The following PPARG variants were observed in gnomAD, a reference collection of about 807,000 sequenced individuals.
The protein encoded by PPARG is peroxisome proliferator activated receptor gamma.
In PPARG, 17 loss-of-function variants were observed where a neutral mutation model predicts 39.2. That is an observed-to-expected ratio of 0.43 (90% confidence interval 0.30 to 0.65). The LOEUF (loss-of-function observed/expected upper bound fraction) is 0.65, where lower values mean the gene tolerates loss of function less well. Ranked by LOEUF, PPARG falls within the 30% of genes least tolerant of loss-of-function variation. PPARG has a pLI of 0.13. For missense variants in PPARG, 406 were observed against 585.9 expected (o/e 0.69, Z 3.17); for synonymous variants, 223 against 215.7 (o/e 1.03, Z -0.30).
chr3:12,407,304 G>T (rs2050706929), intron 6 of PPARG, among the ~76,000 whole-genome samples: 1 of 152,132 alleles, frequency 6.6e-6, no homozygotes, highest in African/African-American at 2.4e-5. Flanking sequence ...GGGATTGCAG[G>T]CGCATGCCAC....
At chr3:12,392,895 C>A in intron 5 of PPARG, 143 bp downstream of exon 5, 1 of 1,086,958 alleles carries the variant, frequency 9.2e-7, no homozygotes, top group Non-Finnish European at 1.4e-6. Context: ...TAAAACATTT[C>A]TCTTTTAGGT....
chr3:12,342,100 T>C (rs75512179), intron 2 of PPARG, among the ~76,000 whole-genome samples: 1,788 of 152,328 alleles, frequency 0.012, 67 homozygotes, highest in East Asian at 0.11. Context: ...TTTTGCCTTC[T>C]GATGTGATGG....
At chr3:12,355,943 C>T (rs1378683404) in intron 2 of PPARG, among the ~76,000 whole-genome samples, 9 of 152,104 alleles carry the variant, frequency 5.9e-5, no homozygotes. Context: ...TAGGATAATC[C>T]TGGGAAAATT....
At chr3:12,330,671 C>G (rs1236319478) in intron 2 of PPARG, among the ~76,000 whole-genome samples, 1 of 152,212 alleles carries the variant, frequency 6.6e-6, no homozygotes, top group Middle Eastern at 3.2e-3. Context: ...GAATCTGTCT[C>G]TCTTCAACTG....
chr3:12,325,806 T>C (rs1042250412), intron 2 of PPARG, among the ~76,000 whole-genome samples: 1 of 152,114 alleles, frequency 6.6e-6, no homozygotes, highest in Non-Finnish European at 1.5e-5. Flanking sequence ...TGACATTTTA[T>C]GAAAAGGGAA....
chr3:12,292,779 G>A (rs1042530877), intron 1 of PPARG, among the ~76,000 whole-genome samples: 9 of 152,174 alleles, frequency 5.9e-5, no homozygotes, highest in Admixed American at 1.3e-4. Flanking sequence ...AACAGCACAC[G>A]GGGTGATGGG....
intron 2 of PPARG, among the ~76,000 whole-genome samples, chr3:12,352,746 G>T (rs1371135390): frequency 6.6e-6 from 1 of 152,176 alleles, no homozygotes; most frequent in Non-Finnish European, 1.5e-5. Flanking sequence ...TTTTAAAAAT[G>T]AGTAAGAAAA....
chr3:12,359,390 TG>T (rs2048765324), intron 2 of PPARG, among the ~76,000 whole-genome samples: 1 of 152,122 alleles, frequency 6.6e-6, no homozygotes, highest in South Asian at 2.1e-4. Context: ...TAAAATAGAT[TG>T]TTGATACAAA....
At chr3:12,428,656 C>T (rs149114668) in intron 7 of PPARG, among the ~76,000 whole-genome samples, 101 of 152,282 alleles carry the variant, frequency 6.6e-4, no homozygotes, top group Middle Eastern at 3.4e-3. Context: ...ACTGAGTGTG[C>T]GTGGAGCAGA....
intron 6 of PPARG, among the ~76,000 whole-genome samples, chr3:12,415,296 A>G (rs568512569): frequency 6.6e-6 from 1 of 152,336 alleles, no homozygotes; most frequent in Admixed American, 6.5e-5. Context: ...TGATTGAGAA[A>G]TTTAAGGCCT....
intron 2 of PPARG, among the ~76,000 whole-genome samples, chr3:12,367,850 G>A (rs998240192): frequency 6.6e-6 from 1 of 151,870 alleles, no homozygotes; most frequent in Admixed American, 6.6e-5. Context: ...ACTCCAGCCT[G>A]CATGACAGAG....
chr3:12,365,212 C>T (rs960140034), intron 2 of PPARG, among the ~76,000 whole-genome samples: 4 of 152,240 alleles, frequency 2.6e-5, no homozygotes, highest in African/African-American at 4.8e-5. Flanking sequence ...AGCAGTTCAC[C>T]TGCTGTGCAG....
chr3:12,416,771 C>T lies in PPARG; in HGVS notation c.797C>T (p.Thr266Ile), dbSNP rs1355789926. Reference protein sequence around the residue: ...GEDKIKFKHITPLQEQSKEVA... With the variant: ...GEDKIKFKHIIPLQEQSKEVA... ...GATAAAATCAAGTTCAAACACATCA[C>T]CCCCCTGCAGGAGCAGAGCAAAGAG... Residue 266 changes from threonine (T) to isoleucine (I), a missense_variant, in exon 7 of 8, where the codon ACC (threonine) becomes ATC (isoleucine). By Grantham distance (89) the Thr-to-Ile change is moderately conservative. This residue lies in a region of PPARG where 275 missense variants were observed against 458.0 expected (regional missense o/e 0.60). Coordinates refer to ENST00000651735, the MANE Select transcript of PPARG (RefSeq NM_138711.6). 6.2e-7 allele frequency: 1 copy of T among 1,614,038 alleles called. No homozygotes were observed. The highest frequency in any genetic ancestry group is 8.5e-7 in the Non-Finnish European group (1 of 1,179,936).
At chr3:12,422,749 G>T (rs190539381) in intron 7 of PPARG, among the ~76,000 whole-genome samples, 188 of 151,922 alleles carry the variant, frequency 1.2e-3, no homozygotes, top group Non-Finnish European at 2.2e-3. Context: ...GTGTGGTGGC[G>T]CATGCATGTG....
chr3:12,287,690 G>A, upstream of PPARG: 1 of 151,820 alleles, frequency 6.6e-6, no homozygotes, highest in Non-Finnish European at 1.5e-5. Flanking sequence ...CCTGCCGCGG[G>A]GCAGAGAGTG....
chr3:12,290,567 T>C (rs893330717), intron 1 of PPARG, among the ~76,000 whole-genome samples: 4 of 152,164 alleles, frequency 2.6e-5, no homozygotes, highest in Non-Finnish European at 5.9e-5. Flanking sequence ...TATTTCTAAA[T>C]TCCTATGACA....
intron 2 of PPARG, among the ~76,000 whole-genome samples, chr3:12,342,518 T>A (rs1243109752): frequency 6.6e-6 from 1 of 152,194 alleles, no homozygotes; most frequent in Admixed American, 6.5e-5. Context: ...AGATGGAGAT[T>A]ATTGACTTGA....
intron 2 of PPARG, among the ~76,000 whole-genome samples, chr3:12,364,914 G>A (rs553133550): frequency 2.1e-4 from 32 of 152,194 alleles, no homozygotes; most frequent in African/African-American, 6.5e-4. Flanking sequence ...AGTTTTAAGC[G>A]TTCTTTGTAT....
chr3:12,303,358 G>A (rs6798974), intron 1 of PPARG, among the ~76,000 whole-genome samples: 15,697 of 152,012 alleles, frequency 0.1, 2,691 homozygotes, highest in African/African-American at 0.36. Context: ...CACCACACCC[G>A]GCTAGTTTTT....
Sources: allele counts gnomAD v4.1 joint callset (sites outside exome capture counted in the v4.1 genomes callset), GRCh38; gene constraint gnomAD v4.1.1; regional missense constraint gnomAD v4.1.1; transcripts MANE v1.5; gene names NCBI Gene and HGNC (gene_info 2026-07-23, HGNC 2026-07-21).